Variants in NRG3 observed in about 807,000 individuals in gnomAD.
The protein encoded by NRG3 is neuregulin 3.
NRG3 carries 31 observed loss-of-function variants against 66.9 expected under a neutral mutation model. The observed-to-expected ratio is 0.46, with a 90% CI of 0.35 to 0.63. The LOEUF is 0.63. Ranked by LOEUF, NRG3 falls within the 20% of genes least tolerant of loss-of-function variation. The probability of loss-of-function intolerance (pLI) is 0.00; values close to 1 mark genes in which losing one functional copy is unlikely to be tolerated. For missense variants in NRG3, 910 were observed against 878.9 expected (o/e 1.04, Z -0.45); for synonymous variants, 393 against 359.4 (o/e 1.09, Z -1.06).
intron 3 of NRG3, among the ~76,000 whole-genome samples, chr10:82,854,060 A>G (rs1214654511): frequency 6.6e-6 from 1 of 152,232 alleles, no homozygotes; most frequent in Non-Finnish European, 1.5e-5. Flanking sequence ...AAAAGATTCA[A>G]TAAGCATTCA....
intron 3 of NRG3, among the ~76,000 whole-genome samples, chr10:82,785,097 C>T (rs569594864): frequency 4.6e-4 from 70 of 151,508 alleles, no homozygotes; most frequent in African/African-American, 1.2e-3. Context: ...GGTAAACTAT[C>T]GCAAGGACAA....
chr10:82,351,458 G>A (rs1564827398), intron 1 of NRG3, among the ~76,000 whole-genome samples: 1 of 152,114 alleles, frequency 6.6e-6, no homozygotes, highest in Admixed American at 6.6e-5. Context: ...GTCTTTGGTG[G>A]CATCTCTTTC....
chr10:82,182,320 C>T (rs567676817), intron 1 of NRG3, among the ~76,000 whole-genome samples: 9 of 151,464 alleles, frequency 5.9e-5, no homozygotes, highest in African/African-American at 1.7e-4. Flanking sequence ...TGCTTCTGGT[C>T]CTCTTTGTCT....
intron 1 of NRG3, among the ~76,000 whole-genome samples, chr10:82,331,417 T>C (rs2082128754): frequency 6.6e-6 from 1 of 152,148 alleles, no homozygotes; most frequent in Non-Finnish European, 1.5e-5. Context: ...TATAGACCCA[T>C]GGGTTTTACT....
intron 1 of NRG3, among the ~76,000 whole-genome samples, chr10:82,216,384 A>G (rs2075677058): frequency 6.6e-6 from 1 of 152,016 alleles, no homozygotes. Flanking sequence ...AATTTGATAT[A>G]TACTCTGGAG....
chr10:82,517,665 G>GCA (rs1471878126), intron 2 of NRG3, among the ~76,000 whole-genome samples: 6 of 119,590 alleles, frequency 5.0e-5, no homozygotes, highest in African/African-American at 8.5e-5. Flanking sequence ...GTGTGTGTGT[G>GCA]TGTGCATGTG....
chr10:82,554,448 A>C (rs2044518219), intron 2 of NRG3, among the ~76,000 whole-genome samples: 1 of 152,152 alleles, frequency 6.6e-6, no homozygotes, highest in African/African-American at 2.4e-5. Context: ...TTACAAAATC[A>C]AATGAGCTAC....
chr10:82,137,237 G>T (rs537657905), intron 1 of NRG3, among the ~76,000 whole-genome samples: 4 of 152,118 alleles, frequency 2.6e-5, no homozygotes, highest in Admixed American at 6.5e-5. Flanking sequence ...TAGCAGAAAA[G>T]ACACTTGAGA....
At chr10:82,865,692 G>T (rs1840647209) in intron 4 of NRG3, among the ~76,000 whole-genome samples, 2 of 152,142 alleles carry the variant, frequency 1.3e-5, no homozygotes, top group Non-Finnish European at 2.9e-5. Context: ...TCCTGGCTTT[G>T]ATTATTTCCT....
intron 2 of NRG3, among the ~76,000 whole-genome samples, chr10:82,642,674 G>A (rs937026334): frequency 6.6e-6 from 1 of 151,688 alleles, no homozygotes; most frequent in African/African-American, 2.4e-5. Flanking sequence ...TAACAAGAAG[G>A]AAACCTACAG....
chr10:82,460,664 A>C (rs1333066924), intron 2 of NRG3, among the ~76,000 whole-genome samples: 2 of 152,136 alleles, frequency 1.3e-5, no homozygotes, highest in Non-Finnish European at 2.9e-5. Context: ...ATGGCAGTGC[A>C]GGGAATCAGC....
At chr10:82,253,391 T>C (rs1024185845) in intron 1 of NRG3, among the ~76,000 whole-genome samples, 6 of 152,154 alleles carry the variant, frequency 3.9e-5, no homozygotes, top group Admixed American at 3.3e-4. Context: ...TTGTAGACAA[T>C]CACACAATGG....
intron 1 of NRG3, among the ~76,000 whole-genome samples, chr10:81,931,091 A>G (rs1276893895): frequency 1.3e-5 from 2 of 152,312 alleles, no homozygotes; most frequent in East Asian, 1.9e-4. Flanking sequence ...AGTTTCAGCA[A>G]ACTTCCCTGT....
At chr10:82,547,223 A>G (rs1293087549) in intron 2 of NRG3, among the ~76,000 whole-genome samples, 1 of 151,992 alleles carries the variant, frequency 6.6e-6, no homozygotes, top group African/African-American at 2.4e-5. Flanking sequence ...GTTCTTTTTA[A>G]AATAAAATAA....
intron 1 of NRG3, among the ~76,000 whole-genome samples, chr10:81,897,241 A>G (rs774491194): frequency 1.3e-5 from 2 of 152,192 alleles, no homozygotes; most frequent in Non-Finnish European, 2.9e-5. Flanking sequence ...GGTCAGGCAC[A>G]TAAGGAACTT....
rs60100337 is a variant in NRG3, at chr10:82,952,471, C to CTGTGTG, written c.1157+944_1157+949dup. On this transcript the variant is annotated intron_variant, in intron 5 of 8. Coordinates refer to ENST00000372141, the MANE Select transcript of NRG3 (RefSeq NM_001010848.4). ...TATAAACGTCTCTCTCTCTCTCTCTCTGTGTGTGTGTGTGTGTGTGTGTGT... is the reference window on the plus strand; with the variant it reads ...TATAAACGTCTCTCTCTCTCTCTCTCTGTGTGTGTGTGTGTGTGTGTGTGTGTGTGT... Among the ~76,000 whole-genome samples the CTGTGTG allele has an allele frequency of 5.3e-3, 523 of 98,822 alleles. 16 individuals carry two copies. Among genetic ancestry groups the CTGTGTG allele is most frequent in the East Asian group, 0.01 (30 of 2,970 alleles). 64.8% of individuals were successfully genotyped at this position (98,822 alleles called of 152,430 possible).
intron 1 of NRG3, among the ~76,000 whole-genome samples, chr10:82,053,757 G>A (rs1256293893): frequency 6.6e-6 from 1 of 152,188 alleles, no homozygotes; most frequent in Non-Finnish European, 1.5e-5. Context: ...CATAAACATT[G>A]TGATGGTATG....
At chr10:81,986,390 C>A (rs934716369) in intron 1 of NRG3, among the ~76,000 whole-genome samples, 2 of 151,954 alleles carry the variant, frequency 1.3e-5, no homozygotes, top group Non-Finnish European at 2.9e-5. Flanking sequence ...ATAGTGAAAA[C>A]ATTGAGAAAA....
chr10:82,116,000 A>G (rs573656477), intron 1 of NRG3, among the ~76,000 whole-genome samples: 2 of 152,252 alleles, frequency 1.3e-5, no homozygotes, highest in Non-Finnish European at 2.9e-5. Flanking sequence ...ACTAAAGTCA[A>G]TGGGGGTATT....
Sources: gnomAD v4.1 joint callset for allele counts (sites outside exome capture counted in the v4.1 genomes callset) on GRCh38, gnomAD v4.1.1 for gene constraint, MANE v1.5 for transcripts, NCBI Gene and HGNC (gene_info 2026-07-23, HGNC 2026-07-21) for gene names.